Variants in NT5DC3 observed in about 807,000 individuals in gnomAD.
The protein encoded by NT5DC3 is 5'-nucleotidase domain-containing protein 3.
Under a neutral mutation model 67.8 loss-of-function variants are expected in NT5DC3, and 42 were observed. The observed-to-expected ratio is 0.62, with a 90% CI of 0.48 to 0.80. The LOEUF (loss-of-function observed/expected upper bound fraction) is 0.80. Among genes scored for constraint, NT5DC3 ranks in the 30% least tolerant of loss-of-function variants. The pLI is 0.00. For missense variants in NT5DC3, 570 were observed against 696.4 expected (o/e 0.82, Z 2.04); for synonymous variants, 237 against 255.6 (o/e 0.93, Z 0.69).
downstream of NT5DC3, among the ~76,000 whole-genome samples, chr12:103,768,066 C>A (rs149970315): frequency 0.026 from 2,918 of 111,786 alleles, 98 homozygotes; most frequent in African/African-American, 0.094. Context: ...CCAGCCTGGG[C>A]AACAGAGCAA....
chr12:103,832,223 G>A (rs1196619217), intron 1 of NT5DC3, among the ~76,000 whole-genome samples: 1 of 151,874 alleles, frequency 6.6e-6, no homozygotes, highest in Non-Finnish European at 1.5e-5. Flanking sequence ...CTGCCAGACT[G>A]CTGAAAGCCA....
intron 1 of NT5DC3, among the ~76,000 whole-genome samples, chr12:103,837,697 A>G (rs1888210559): frequency 6.6e-6 from 1 of 152,250 alleles, no homozygotes; most frequent in Non-Finnish European, 1.5e-5. Context: ...CCAGTTCCCA[A>G]CAAGTTCCTC....
chr12:103,816,955 CTTTTCTT>C (rs1887279757), intron 1 of NT5DC3, among the ~76,000 whole-genome samples: 1 of 116,648 alleles, frequency 8.6e-6, no homozygotes, highest in African/African-American at 3.0e-5. Context: ...TCTTGGCAGT[CTTTTCTT>C]TTTTCTTTTT....
downstream of NT5DC3, among the ~76,000 whole-genome samples, chr12:103,769,890 G>A (rs542435961): frequency 6.6e-6 from 1 of 152,346 alleles, no homozygotes; most frequent in South Asian, 2.1e-4. Flanking sequence ...GAGTGACCAG[G>A]GATGACAATT....
chr12:103,762,528 A>G, the NT5DC3 span: 1 of 1,456,574 alleles, frequency 6.9e-7, no homozygotes. Flanking sequence ...ACACAGTAGC[A>G]GGGGCGGCCA....
the NT5DC3 span, chr12:103,762,490 C>T: frequency 6.3e-7 from 1 of 1,591,438 alleles, no homozygotes; most frequent in South Asian, 1.1e-5. Flanking sequence ...GTGGCTGCGC[C>T]AGAGTCCTCA....
the NT5DC3 span, among the ~76,000 whole-genome samples, chr12:103,757,027 AT>A: frequency 8.4e-5 from 12 of 143,440 alleles, no homozygotes; most frequent in Admixed American, 1.4e-4. Flanking sequence ...ATATATATAT[AT>A]ATAAAATATA....
chr12:103,814,618 A>C (rs1887168688), intron 2 of NT5DC3, among the ~76,000 whole-genome samples: 1 of 152,248 alleles, frequency 6.6e-6, no homozygotes, highest in Admixed American at 6.5e-5. Context: ...ACCAGAATTC[A>C]ACAGGCAGGC....
the NT5DC3 span, among the ~76,000 whole-genome samples, chr12:103,764,718 A>G: frequency 6.6e-6 from 1 of 152,252 alleles, no homozygotes; most frequent in Non-Finnish European, 1.5e-5. Context: ...CAGATTTAAT[A>G]TAAATGCAAT....
chr12:103,762,140 T>A, the NT5DC3 span: 68 of 1,239,650 alleles, frequency 5.5e-5, no homozygotes, highest in East Asian at 1.5e-3. Context: ...CTGGCAGTAA[T>A]AAGGGCCAGA....
intron 2 of NT5DC3, among the ~76,000 whole-genome samples, chr12:103,813,029 T>C (rs1430124778): frequency 6.6e-6 from 1 of 152,228 alleles, no homozygotes; most frequent in Non-Finnish European, 1.5e-5. Context: ...AGGCAGAATT[T>C]GAACCCCAGC....
chr12:103,752,527 G>A, the NT5DC3 span, among the ~76,000 whole-genome samples: 1 of 152,164 alleles, frequency 6.6e-6, no homozygotes, highest in Non-Finnish European at 1.5e-5. Context: ...AAAGGTATCA[G>A]CTATGAACCA....
At chr12:103,765,359 T>C in the NT5DC3 span, among the ~76,000 whole-genome samples, 1 of 152,176 alleles carries the variant, frequency 6.6e-6, no homozygotes, top group Non-Finnish European at 1.5e-5. Flanking sequence ...GGCAAAAACA[T>C]TCCAGAATCC....
rs75052661 is a variant in NT5DC3, at chr12:103,793,929, G to A, written c.814+8C>T. 19,946 of 1,603,874 alleles carry A rather than the reference G, an allele frequency of 0.012. 1,879 individuals carry two copies. The East Asian group carries it at 0.27, about 21-fold the overall frequency. ...GAAACTCTCTTCGTGATACTGCTGA[G>A]CACATACCAATGTCTGCTTCAATTG... On this transcript the variant is annotated splice_region_variant and intron_variant, in intron 7 of 13. Coordinates refer to ENST00000392876, the MANE Select transcript of NT5DC3 (RefSeq NM_001031701.3).
chr12:103,826,965 T>C (rs56403068), intron 1 of NT5DC3, among the ~76,000 whole-genome samples: 15,515 of 152,270 alleles, frequency 0.1, 1,129 homozygotes, highest in East Asian at 0.29. Flanking sequence ...TACATATGCC[T>C]GGGCGCGGTG....
chr12:103,796,869 T>C (rs1886339588), intron 6 of NT5DC3, 25 bp downstream of exon 6: 1 of 1,613,718 alleles, frequency 6.2e-7, no homozygotes, highest in Non-Finnish European at 8.5e-7. Context: ...GACTCAGCAC[T>C]GTAATCTCTC....
intron 1 of NT5DC3, among the ~76,000 whole-genome samples, chr12:103,831,532 C>T (rs187874230): frequency 5.9e-4 from 90 of 152,214 alleles, no homozygotes; most frequent in African/African-American, 2.1e-3. Flanking sequence ...CCTGCCCCCC[C>T]ACACACAGAA....
rs141837728 is a variant in NT5DC3 at position 103,778,163 on chromosome 12, CTTT to C, written c.1395-85_1395-83del. 3.8e-4 allele frequency: 483 copies of C among 1,273,410 alleles called. 2 individuals are homozygous for C. The highest frequency in any genetic ancestry group is 3.1e-3 in the African/African-American group (206 of 66,244). The allele number at this position is 1,273,410 out of a possible 1,614,324, so 78.9% of individuals were successfully genotyped here. On this transcript the variant is annotated intron_variant, in intron 13 of 13. Transcript: ENST00000392876. The stretch of plus-strand genomic sequence containing the variant: ...TAAACTACTGAAATCAAAATCACTT[CTTT>C]TTTTAAAAAAAAAAAATAGGACTCA...
the NT5DC3 span, chr12:103,762,385 G>A: frequency 4.5e-5 from 73 of 1,614,046 alleles, no homozygotes; most frequent in African/African-American, 4.1e-4. Flanking sequence ...GAGAACAATC[G>A]GCTTCCAGCA....
Sources: allele counts gnomAD v4.1 joint callset (sites outside exome capture counted in the v4.1 genomes callset), GRCh38; gene constraint gnomAD v4.1.1; transcripts MANE v1.5; gene names NCBI Gene and HGNC (gene_info 2026-07-23, HGNC 2026-07-21).